PLPPR1: variants seen among roughly 807,000 people sequenced by gnomAD.
The protein encoded by PLPPR1 is phospholipid phosphatase-related protein type 1.
A neutral mutation model predicts 33.1 loss-of-function variants in PLPPR1; 10 were observed. The observed-to-expected ratio is 0.30, with a 90% CI of 0.19 to 0.51. The LOEUF (loss-of-function observed/expected upper bound fraction) is 0.51. Among genes scored for constraint, PLPPR1 ranks in the 20% least tolerant of loss-of-function variants. The probability of loss-of-function intolerance (pLI) is 0.97; values close to 1 mark genes in which losing one functional copy is unlikely to be tolerated. For missense variants in PLPPR1, 304 were observed against 408.1 expected (o/e 0.74, Z 2.20); for synonymous variants, 151 against 151.0 (o/e 1.00, Z 0.00).
chr9:101,301,422 GTTT>G (rs970685502), intron 4 of PLPPR1, among the ~76,000 whole-genome samples: 3 of 152,124 alleles, frequency 2.0e-5, no homozygotes, highest in African/African-American at 7.2e-5. Context: ...TTTTACAACT[GTTT>G]TTTATGATTT....
At chr9:101,286,641 A>C (rs564975427) in intron 4 of PLPPR1, among the ~76,000 whole-genome samples, 103 of 152,330 alleles carry the variant, frequency 6.8e-4, no homozygotes, top group African/African-American at 2.4e-3. Context: ...GGAATTTAAC[A>C]AAGAGTGGGA....
At chr9:101,044,922 C>T (rs1387302775) in intron 1 of PLPPR1, among the ~76,000 whole-genome samples, 2 of 152,114 alleles carry the variant, frequency 1.3e-5, no homozygotes, top group Non-Finnish European at 2.9e-5. Context: ...ATGTTCCCTT[C>T]TTAATTTGAG....
At chr9:101,154,916 A>T (rs1831656179) in intron 1 of PLPPR1, among the ~76,000 whole-genome samples, 1 of 138,082 alleles carries the variant, frequency 7.2e-6, no homozygotes, top group Non-Finnish European at 1.5e-5. Flanking sequence ...AACAAAGAGA[A>T]CACTTGGACA....
At chr9:101,207,638 A>G (rs1826615705) in intron 2 of PLPPR1, among the ~76,000 whole-genome samples, 1 of 152,262 alleles carries the variant, frequency 6.6e-6, no homozygotes, top group African/African-American at 2.4e-5. Context: ...ACCCCCATTC[A>G]CCGTGGAAAA....
At chr9:101,098,023 G>A (rs1172143969) in intron 1 of PLPPR1, among the ~76,000 whole-genome samples, 2 of 136,146 alleles carry the variant, frequency 1.5e-5, no homozygotes, top group Admixed American at 7.7e-5. Context: ...CCTGAACATG[G>A]TGGTGCTTTT....
At chr9:101,232,833 C>T (rs971347121) in intron 2 of PLPPR1, among the ~76,000 whole-genome samples, 1 of 151,930 alleles carries the variant, frequency 6.6e-6, no homozygotes, top group African/African-American at 2.4e-5. Context: ...TAAAGGCACT[C>T]AACATTACGA....
intron 1 of PLPPR1, among the ~76,000 whole-genome samples, chr9:101,137,519 G>A (rs1458195681): frequency 6.6e-6 from 1 of 152,174 alleles, no homozygotes; most frequent in South Asian, 2.1e-4. Context: ...GTTCCTCTGG[G>A]TGGAGGTGGT....
chr9:101,197,804 T>C (rs1826424886), intron 2 of PLPPR1, among the ~76,000 whole-genome samples: 1 of 152,232 alleles, frequency 6.6e-6, no homozygotes, highest in Non-Finnish European at 1.5e-5. Context: ...ACAGAATTCT[T>C]TATACAAAGT....
chr9:101,318,191 T>C (rs777452427), intron 7 of PLPPR1, among the ~76,000 whole-genome samples: 15 of 152,034 alleles, frequency 9.9e-5, no homozygotes, highest in Non-Finnish European at 2.2e-4. Flanking sequence ...AAATCACAGA[T>C]GATCAGGAAA....
intron 2 of PLPPR1, among the ~76,000 whole-genome samples, chr9:101,238,947 G>T (rs1827392385): frequency 6.8e-6 from 1 of 147,918 alleles, no homozygotes. Context: ...CCTTCTATGA[G>T]CTCACTTTTT....
At chr9:101,134,182 C>T (rs1831349858) in intron 1 of PLPPR1, among the ~76,000 whole-genome samples, 1 of 152,164 alleles carries the variant, frequency 6.6e-6, no homozygotes, top group Non-Finnish European at 1.5e-5. Flanking sequence ...CTAATAGTTT[C>T]TGCCAGCCTT....
chr9:101,068,151 A>C (rs1830441703), intron 1 of PLPPR1, among the ~76,000 whole-genome samples: 1 of 152,152 alleles, frequency 6.6e-6, no homozygotes, highest in South Asian at 2.1e-4. Flanking sequence ...ACCATGTACA[A>C]GTCCTTATTC....
chr9:101,284,635 G>C (rs1828359678), intron 3 of PLPPR1, among the ~76,000 whole-genome samples: 1 of 152,116 alleles, frequency 6.6e-6, no homozygotes, highest in African/African-American at 2.4e-5. Context: ...CTATCTGTCT[G>C]TGTGTGTCCG....
intron 4 of PLPPR1, among the ~76,000 whole-genome samples, chr9:101,291,354 G>C (rs1828502667): frequency 6.6e-6 from 1 of 152,324 alleles, no homozygotes; most frequent in South Asian, 2.1e-4. Context: ...TCCACCTCTG[G>C]GGGCAGGGCA....
At chr9:101,145,592 G>A (rs533009108) in intron 1 of PLPPR1, among the ~76,000 whole-genome samples, 1 of 152,102 alleles carries the variant, frequency 6.6e-6, no homozygotes, top group South Asian at 2.1e-4. Context: ...TGTTGGCCAG[G>A]CTAGTCTCGA....
chr9:101,247,404 G>A (rs1182670711), intron 2 of PLPPR1, among the ~76,000 whole-genome samples: 2 of 152,036 alleles, frequency 1.3e-5, no homozygotes, highest in African/African-American at 2.4e-5. Flanking sequence ...GCATCTGAGA[G>A]GCGAATTTGC....
intron 1 of PLPPR1, among the ~76,000 whole-genome samples, chr9:101,095,334 T>G (rs1004187892): frequency 6.6e-6 from 1 of 152,180 alleles, no homozygotes; most frequent in Non-Finnish European, 1.5e-5. Flanking sequence ...TTATAGTAGC[T>G]GATTGTTTGT....
At chr9:101,224,816 G>A (rs1319334888) in intron 2 of PLPPR1, among the ~76,000 whole-genome samples, 1 of 152,156 alleles carries the variant, frequency 6.6e-6, no homozygotes. Flanking sequence ...CCCAGACTGA[G>A]AGAGTGGGTG....
chr9:101,292,060 A>G (rs1168395441), intron 4 of PLPPR1, among the ~76,000 whole-genome samples: 2 of 152,174 alleles, frequency 1.3e-5, no homozygotes, highest in Admixed American at 6.5e-5. Context: ...GTAGACGAAT[A>G]TATAACTAGA....
Sources: gnomAD v4.1 joint callset for allele counts (sites outside exome capture counted in the v4.1 genomes callset) on GRCh38, gnomAD v4.1.1 for gene constraint, MANE v1.5 for transcripts, NCBI Gene and HGNC (gene_info 2026-07-23, HGNC 2026-07-21) for gene names.